Variants in ATL3 observed in about 807,000 individuals in gnomAD.
ATL3 encodes atlastin-3.
A neutral mutation model predicts 69.5 loss-of-function variants in ATL3; 49 were observed. The observed-to-expected ratio is 0.71, with a 90% CI of 0.56 to 0.89. ATL3 has a LOEUF of 0.89. ATL3 is among the 40% of genes least tolerant of loss of function. The probability of loss-of-function intolerance (pLI) is 0.00; values close to 1 mark genes in which losing one functional copy is unlikely to be tolerated. For synonymous variants in ATL3, 214 were observed against 224.1 expected, an observed-to-expected ratio of 0.95 and a Z score of 0.40; for missense variants, 606 against 645.7, an observed-to-expected ratio of 0.94 and a Z score of 0.67.
At chr11:63,665,373 A>T (rs949114940) in intron 1 of ATL3, among the ~76,000 whole-genome samples, 3 of 151,424 alleles carry the variant, frequency 2.0e-5, no homozygotes, top group African/African-American at 4.8e-5. Context: ...AGAAGAATGT[A>T]TACAGTTGTG....
rs1565262921 is a variant in ATL3, at chr11:63,624,128, G to T, written c.*5191C>A. On this transcript the variant is annotated 3_prime_UTR_variant, in exon 13 of 13. Coordinates refer to ENST00000398868, the MANE Select transcript of ATL3 (RefSeq NM_015459.5). ...ATTCCATTAAATGATCTTACAAATT[G>T]GAGTAAAACAGAAACATGCTTTTAA... is the stretch of plus-strand genomic sequence containing the variant. 6.6e-6 allele frequency: 1 copy of T among 152,086 alleles called. No homozygotes were observed. Among genetic ancestry groups the T allele is most frequent in the Non-Finnish European group, 1.5e-5 (1 of 68,022 alleles). 9.4% of individuals were successfully genotyped at this position (152,086 alleles called of 1,614,324 possible).
chr11:63,641,122 T>C (rs1046822940), intron 8 of ATL3, among the ~76,000 whole-genome samples: 3 of 152,222 alleles, frequency 2.0e-5, no homozygotes, highest in African/African-American at 4.8e-5. Context: ...TTCTTCTTTT[T>C]GGACTTGCCT....
At position 63,635,521 on chromosome 11, in the gene ATL3, A is replaced by C. The variant is rs1939485121; in HGVS notation, c.1035+13T>G. ...TTTAAGGGTAGCGTTTAGGATGTCA[A>C]ATCATTGTTTACCTGAAGCATGGAC... On this transcript the variant is annotated intron_variant, in intron 10 of 12. Transcript: ENST00000398868. 2.5e-6 allele frequency: 4 copies of C among 1,608,894 alleles called. No homozygotes were observed. Among genetic ancestry groups the C allele is most frequent in the Non-Finnish European group, 3.4e-6 (4 of 1,175,742 alleles).
At chr11:63,630,727 C>T (rs1233855134) in intron 12 of ATL3, among the ~76,000 whole-genome samples, 133 of 142,124 alleles carry the variant, frequency 9.4e-4, no homozygotes, top group African/African-American at 3.4e-3. Context: ...ACCTGGGAGG[C>T]GGAGGTTGCA....
At position 63,645,546 on chromosome 11, in the gene ATL3, GAGAGAGAGAGAGAGAGAC is replaced by G. The variant is rs1939843621; in HGVS notation, c.618+943_618+960del. On this transcript the variant is annotated intron_variant, in intron 6 of 12. Coordinates refer to ENST00000398868, the MANE Select transcript of ATL3 (RefSeq NM_015459.5). ...GGTCAGCAAAGACTTTTTGCAGAGA[GAGAGAGAGAGAGAGAGAC>G]AGAGAGAGACAGAGAGTGAGTGAGT... is the stretch of plus-strand genomic sequence containing the variant. Among the ~76,000 whole-genome samples, 7 of 151,860 alleles carry G rather than the reference GAGAGAGAGAGAGAGAGAC, an allele frequency of 4.6e-5. No individual in the cohort carries two copies. The East Asian group carries it at 1.4e-3, about 29-fold the overall frequency.
chr11:63,644,388 T>C (rs1939801281), intron 6 of ATL3, 127 bp from the exon 7 acceptor site: 4 of 590,484 alleles, frequency 6.8e-6, no homozygotes, highest in African/African-American at 2.0e-5. Flanking sequence ...TTACCTTTTT[T>C]TTTTTTTTTT....
In ATL3 at chr11:63,628,250, T is replaced by A. The variant is rs1433022635; in HGVS notation, c.*1069A>T. Reference sequence around the variant, plus strand: ...TTTCTTGAAGTATCTAGCGCATTCCTTTTATTATGAGCCACTCTGGCTTTT... The same window carrying A: ...TTTCTTGAAGTATCTAGCGCATTCCATTTATTATGAGCCACTCTGGCTTTT... On this transcript the variant is annotated 3_prime_UTR_variant, in exon 13 of 13. Transcript: ENST00000398868. The A allele has an allele frequency of 6.6e-6, 1 of 152,130 alleles. No homozygotes were observed. The highest frequency in any genetic ancestry group is 1.5e-5 in the Non-Finnish European group (1 of 68,012). The allele number at this position is 152,130 out of a possible 1,614,324, so 9.4% of individuals were successfully genotyped here. A position where few individuals can be genotyped will look rare whatever the true frequency, so the allele number is the denominator to read the frequency against.
At position 63,624,396 on chromosome 11, in the gene ATL3, A is replaced by G. The variant is rs1192264569; in HGVS notation, c.*4923T>C. The G allele has an allele frequency of 2.6e-5, 4 of 152,194 alleles. No homozygotes were observed. The highest frequency in any genetic ancestry group is 5.9e-5 in the Non-Finnish European group (4 of 68,034). The allele number at this position is 152,194 out of a possible 1,614,324, so 9.4% of individuals were successfully genotyped here. On this transcript the variant is annotated 3_prime_UTR_variant, in exon 13 of 13. Transcript: ENST00000398868. ...CAATGCTACCTTCCCTTGCTCATAAAAACATTTAAACTGTAGTTCTGGCAC... is the reference window on the plus strand; with the variant it reads ...CAATGCTACCTTCCCTTGCTCATAAGAACATTTAAACTGTAGTTCTGGCAC...
At chr11:63,653,686 A>G (rs1307737517) in intron 3 of ATL3, among the ~76,000 whole-genome samples, 3 of 152,246 alleles carry the variant, frequency 2.0e-5, no homozygotes, top group African/African-American at 4.8e-5. Context: ...TCAAGACACG[A>G]AAGAGTTGCA....
chr11:63,651,689 T>C (rs1369350454), intron 5 of ATL3, among the ~76,000 whole-genome samples: 1 of 152,118 alleles, frequency 6.6e-6, no homozygotes, highest in Non-Finnish European at 1.5e-5. Flanking sequence ...GTAATAGTTT[T>C]CCGCCCAAAT....
chr11:63,633,732 AAG>A lies in ATL3; in HGVS notation c.1036-637_1036-636del, dbSNP rs1491114207. On this transcript the variant is annotated intron_variant, in intron 10 of 12. Coordinates refer to ENST00000398868, the MANE Select transcript of ATL3 (RefSeq NM_015459.5). ...AGATGTGAGTCAAAAAAAAAAAAAA[AAG>A]AAGAAGGAAAGGTTGGGCGTGGTGG... is the stretch of plus-strand genomic sequence containing the variant. Among the ~76,000 whole-genome samples the A allele has an allele frequency of 3.5e-3, 449 of 130,112 alleles. 31 individuals carry two copies. The highest frequency in any genetic ancestry group is 0.019 in the Middle Eastern group (5 of 270). 85.4% of individuals were successfully genotyped at this position (130,112 alleles called of 152,430 possible).
At chr11:63,637,258 A>G (rs925949987) in intron 8 of ATL3, among the ~76,000 whole-genome samples, 3 of 149,558 alleles carry the variant, frequency 2.0e-5, no homozygotes, top group African/African-American at 7.3e-5. Context: ...CCTGGGCAAC[A>G]GAGTGAGACT....
intron 8 of ATL3, among the ~76,000 whole-genome samples, chr11:63,640,150 A>G (rs1399907537): frequency 1.3e-5 from 2 of 151,720 alleles, no homozygotes; most frequent in Non-Finnish European, 2.9e-5. Context: ...CTGGTCTGGA[A>G]CTCCCGACCT....
upstream of ATL3, chr11:63,671,810 G>C: frequency 9.3e-7 from 1 of 1,079,474 alleles, no homozygotes; most frequent in South Asian, 1.7e-5. Flanking sequence ...GGCTGGCTCG[G>C]GTCCTCCTGC....
At chr11:63,654,237 C>G (rs1940171271) in intron 3 of ATL3, among the ~76,000 whole-genome samples, 1 of 151,362 alleles carries the variant, frequency 6.6e-6, no homozygotes, top group African/African-American at 2.4e-5. Flanking sequence ...AGCTCCGCCT[C>G]CCAGGTTCAC....
At chr11:63,651,812 CT>C in intron 5 of ATL3, 123 bp downstream of exon 5, 1 of 1,376,774 alleles carries the variant, frequency 7.3e-7, no homozygotes, top group Non-Finnish European at 9.5e-7. Flanking sequence ...TATAGAATTA[CT>C]ATGAACCAAA....
At position 63,635,401 on chromosome 11, in the gene ATL3, A is replaced by G. The variant is rs895727308; in HGVS notation, c.1035+133T>C. ...CCACACTACTGCAAAATGTGCTAAA[A>G]AAAAATTAACAGACCTCAGCATGAT... On this transcript the variant is annotated intron_variant, in intron 10 of 12. Coordinates refer to ENST00000398868, the MANE Select transcript of ATL3 (RefSeq NM_015459.5). 328 of 771,732 alleles carry G rather than the reference A, an allele frequency of 4.3e-4. 3 individuals are homozygous for G. Among genetic ancestry groups the G allele is most frequent in the Non-Finnish European group, 9.6e-5 (46 of 479,994 alleles). 47.8% of individuals were successfully genotyped at this position (771,732 alleles called of 1,614,324 possible).
upstream of ATL3, chr11:63,671,587 G>C (rs571198363): frequency 9.0e-4 from 1,288 of 1,429,922 alleles, 15 homozygotes; most frequent in African/African-American, 0.018. Flanking sequence ...GCACGCGGCA[G>C]AATCCCGCCA....
At position 63,627,937 on chromosome 11, in the gene ATL3, C is replaced by G. The variant is rs1939172714; in HGVS notation, c.*1382G>C. The G allele has an allele frequency of 6.6e-6, 1 of 152,128 alleles. No individual in the cohort carries two copies. The highest frequency in any genetic ancestry group is 2.4e-5 in the African/African-American group (1 of 41,436). The allele number at this position is 152,128 out of a possible 1,614,324, so 9.4% of individuals were successfully genotyped here. On this transcript the variant is annotated 3_prime_UTR_variant, in exon 13 of 13. Coordinates refer to ENST00000398868, the MANE Select transcript of ATL3 (RefSeq NM_015459.5). Reference sequence around the variant, plus strand: ...TCATTATTAAGAACATTAGACACGGCAGAGAATGCAAATTAACATTCTGAA... The same window carrying G: ...TCATTATTAAGAACATTAGACACGGGAGAGAATGCAAATTAACATTCTGAA...
Sources: gnomAD v4.1 joint callset for allele counts (sites outside exome capture counted in the v4.1 genomes callset) on GRCh38, gnomAD v4.1.1 for gene constraint, MANE v1.5 for transcripts, NCBI Gene and HGNC (gene_info 2026-07-23, HGNC 2026-07-21) for gene names.